Variants in MAP3K3 observed in about 807,000 individuals in gnomAD.
MAP3K3 encodes MAP/ERK kinase kinase 3.
A neutral mutation model predicts 80.9 loss-of-function variants in MAP3K3; 12 were observed. The ratio of observed to expected loss-of-function variants is 0.15; its 90% CI spans 0.10 to 0.24. MAP3K3 has a LOEUF of 0.24. Among genes scored for constraint, MAP3K3 ranks in the 10% least tolerant of loss-of-function variants. MAP3K3 has a pLI of 1.00. For missense variants in MAP3K3, 596 were observed against 834.7 expected (o/e 0.71, Z 3.52); for synonymous variants, 272 against 307.1 (o/e 0.89, Z 1.19).
At chr17:63,638,387 C>T (rs1368936470) in intron 2 of MAP3K3, among the ~76,000 whole-genome samples, 1 of 152,072 alleles carries the variant, frequency 6.6e-6, no homozygotes, top group Non-Finnish European at 1.5e-5. Context: ...AGGCCTTTTT[C>T]AGGTCAAGTT....
Position 63,689,044 on chromosome 17 carries a change from C to T in MAP3K3, c.871+163C>T, listed in dbSNP as rs1174181617. 3.3e-6 allele frequency: 2 copies of T among 614,676 alleles called. No individual in the cohort carries two copies. Among genetic ancestry groups the T allele is most frequent in the African/African-American group, 1.8e-5 (1 of 54,178 alleles). 38.1% of individuals were successfully genotyped at this position (614,676 alleles called of 1,614,324 possible). ...GACAGGAAAAAAACAAAAACAAAAACAGGGAAGATAGTATTTGTAGACCAG... is the reference window on the plus strand; with the variant it reads ...GACAGGAAAAAAACAAAAACAAAAATAGGGAAGATAGTATTTGTAGACCAG... On this transcript the variant is annotated intron_variant, in intron 10 of 15. Coordinates refer to ENST00000361733, the MANE Select transcript of MAP3K3 (RefSeq NM_002401.5). This position sits in a 1 kb window ranked among gnomAD's most constrained non-coding sequence, Gnocchi z 4.3.
At chr17:63,632,561 GT>G in intron 1 of MAP3K3, 119 bp from the exon 2 acceptor site, 1 of 1,122,476 alleles carries the variant, frequency 8.9e-7, no homozygotes, top group Non-Finnish European at 1.3e-6. Context: ...TCTGATTATA[GT>G]TACAGGGTCT....
chr17:63,628,437 C>T lies in MAP3K3; in HGVS notation c.5-4244C>T, dbSNP rs574207343. Among the ~76,000 whole-genome samples the T allele has an allele frequency of 5.4e-3, 809 of 150,574 alleles. 5 individuals carry two copies. Among genetic ancestry groups the T allele is most frequent in the African/African-American group, 0.018 (736 of 40,928 alleles). On this transcript the variant is annotated intron_variant, in intron 1 of 15. Transcript: ENST00000361733. ...GTGCAATGGCACCATCTTGGCTCAC[C>T]GCAACCTCCGCCTCCCAGCTTGAAG...
chr17:63,676,933 A>C (rs1216576418), intron 6 of MAP3K3, among the ~76,000 whole-genome samples: 1 of 152,236 alleles, frequency 6.6e-6, no homozygotes, highest in Non-Finnish European at 1.5e-5. Flanking sequence ...AATCTAAAGA[A>C]AGTCTTAGAA....
chr17:63,681,768 T>A lies in MAP3K3; in HGVS notation c.505T>A (p.Ser169Thr). Reference protein sequence around the residue: ...EPRSRHLSVSSQNPGRSSPPP... With the variant: ...EPRSRHLSVSTQNPGRSSPPP... Reference sequence around the variant, plus strand: ...AAAGCCTCCTTTATGTGCTCTAGGCTCCCAGAACCCTGGCCGAAGCTCACC... The same window carrying A: ...AAAGCCTCCTTTATGTGCTCTAGGCACCCAGAACCCTGGCCGAAGCTCACC... The change falls in exon 7 of 16, where the codon TCC becomes ACC. Residue 169 changes from serine to threonine, a missense_variant and splice_region_variant. This residue lies in a region of MAP3K3 where 232 missense variants were observed against 245.8 expected (regional missense o/e 0.94). Coordinates refer to ENST00000361733, the MANE Select transcript of MAP3K3 (RefSeq NM_002401.5). 6.7e-7 allele frequency: 1 copy of A among 1,494,904 alleles called. No homozygotes were observed. Among genetic ancestry groups the A allele is most frequent in the Non-Finnish European group, 9.0e-7 (1 of 1,115,886 alleles). 92.6% of individuals were successfully genotyped at this position (1,494,904 alleles called of 1,614,324 possible). A position where few individuals can be genotyped will look rare whatever the true frequency, so the allele number is the denominator to read the frequency against.
intron 1 of MAP3K3, among the ~76,000 whole-genome samples, chr17:63,623,221 A>G (rs2034030222): frequency 6.6e-6 from 1 of 151,186 alleles, no homozygotes; most frequent in Admixed American, 6.6e-5. Context: ...CCCTTTGCTC[A>G]CACAGGCCGG....
intron 1 of MAP3K3, among the ~76,000 whole-genome samples, chr17:63,625,506 T>C (rs1029311489): frequency 6.6e-6 from 1 of 152,206 alleles, no homozygotes; most frequent in African/African-American, 2.4e-5. Context: ...CAGGAAACTA[T>C]AGTGAATGGA....
At chr17:63,655,875 T>A (rs2034756188) in intron 4 of MAP3K3, among the ~76,000 whole-genome samples, 1 of 152,216 alleles carries the variant, frequency 6.6e-6, no homozygotes, top group Admixed American at 6.5e-5. Flanking sequence ...TTTTGCAATA[T>A]AATATGATTT....
intron 6 of MAP3K3, among the ~76,000 whole-genome samples, chr17:63,673,741 T>A (rs2035158632): frequency 1.3e-5 from 2 of 152,088 alleles, no homozygotes; most frequent in Non-Finnish European, 2.9e-5. Context: ...TGAAACCCTG[T>A]CTGTACTAAA....
intron 1 of MAP3K3, among the ~76,000 whole-genome samples, chr17:63,625,749 T>C (rs1359193571): frequency 1.3e-5 from 2 of 152,222 alleles, no homozygotes; most frequent in South Asian, 2.1e-4. Context: ...AGATTTCTGA[T>C]ATTTTTAAAA....
At chr17:63,646,141 A>C in intron 3 of MAP3K3, 67 bp downstream of exon 3, 2 of 1,399,232 alleles carry the variant, frequency 1.4e-6, no homozygotes, top group Non-Finnish European at 2.0e-6. Context: ...CATTGAGTTC[A>C]TGGAAGTCAT....
Position 63,688,581 on chromosome 17 carries a change from A to G in MAP3K3, c.765A>G (p.Arg255=). The stretch of plus-strand genomic sequence containing the variant: ...GTGCCCAGAGCTTCCCTGACAACAG[A>G]CAGGAATACTCAGGTGAGTTCCACA... ...MSRAQSFPDN[R]QEYSDRETQL... The change falls in exon 9 of 16, where the codon AGA becomes AGG. Residue 255 remains arginine, a synonymous_variant. Coordinates refer to ENST00000361733, the MANE Select transcript of MAP3K3 (RefSeq NM_002401.5). The G allele has an allele frequency of 6.2e-7, 1 of 1,613,948 alleles. No homozygotes were observed.
At chr17:63,650,928 C>T (rs2034642916) in intron 3 of MAP3K3, among the ~76,000 whole-genome samples, 1 of 152,080 alleles carries the variant, frequency 6.6e-6, no homozygotes, top group African/African-American at 2.4e-5. Flanking sequence ...AGCTCCTAGC[C>T]TCAAGCGAGC....
At chr17:63,630,887 T>A (rs1269514252) in intron 1 of MAP3K3, among the ~76,000 whole-genome samples, 3 of 152,182 alleles carry the variant, frequency 2.0e-5, no homozygotes, top group African/African-American at 7.2e-5. Flanking sequence ...TTTACTTTCC[T>A]GAACAAGCAA....
chr17:63,667,449 T>TA (rs1293085427), intron 6 of MAP3K3, among the ~76,000 whole-genome samples: 1 of 152,182 alleles, frequency 6.6e-6, no homozygotes, highest in Non-Finnish European at 1.5e-5. Flanking sequence ...ACCTCTTGCT[T>TA]ATGATTCCTG....
chr17:63,671,976 A>C (rs1205375965), intron 6 of MAP3K3, among the ~76,000 whole-genome samples: 1 of 151,782 alleles, frequency 6.6e-6, no homozygotes, highest in Non-Finnish European at 1.5e-5. Context: ...ATGAGACCCA[A>C]TATCATTTAA....
At chr17:63,646,115 C>G (rs1235503288) in intron 3 of MAP3K3, 41 bp downstream of exon 3, 3 of 1,581,192 alleles carry the variant, frequency 1.9e-6, no homozygotes, top group Admixed American at 1.7e-5. Flanking sequence ...TCATGTATGC[C>G]AAAGTTCTCA....
chr17:63,669,639 G>C (rs2035065092), intron 6 of MAP3K3, among the ~76,000 whole-genome samples: 1 of 152,064 alleles, frequency 6.6e-6, no homozygotes, highest in African/African-American at 2.4e-5. Context: ...GTTTTTAGTA[G>C]AGACGGGATT....
At chr17:63,667,131 T>C (rs2035016806) in intron 6 of MAP3K3, 71 bp downstream of exon 6, 1 of 1,450,350 alleles carries the variant, frequency 6.9e-7, no homozygotes, top group East Asian at 2.4e-5. Flanking sequence ...AACAAGTATT[T>C]GTTAATTAAA....
Sources: allele counts gnomAD v4.1 joint callset (sites outside exome capture counted in the v4.1 genomes callset), GRCh38; gene constraint gnomAD v4.1.1; regional missense constraint gnomAD v4.1.1; non-coding constraint Gnocchi (gnomAD v3.1); transcripts MANE v1.5; gene names NCBI Gene and HGNC (gene_info 2026-07-23, HGNC 2026-07-21).